Variants in DSG1 observed in about 807,000 individuals in gnomAD.
DSG1 encodes the protein desmoglein-1.
In DSG1, 39 loss-of-function variants were observed where a neutral mutation model predicts 97.5. The ratio of observed to expected loss-of-function variants is 0.40; its 90% CI spans 0.31 to 0.52. DSG1 has a LOEUF of 0.52. Among genes scored for constraint, DSG1 ranks in the 20% least tolerant of loss-of-function variants. The pLI is 0.53. For missense variants in DSG1, 1,311 were observed against 1,295.4 expected, an observed-to-expected ratio of 1.01 and a Z score of -0.18; for synonymous variants, 475 against 443.4, an observed-to-expected ratio of 1.07 and a Z score of -0.90.
Position 31,356,797 on chromosome 18 carries a change from T to C in DSG1, c.*1451T>C, listed in dbSNP as rs2071962829. On this transcript the variant is annotated 3_prime_UTR_variant, in exon 15 of 15. Coordinates refer to ENST00000257192, the MANE Select transcript of DSG1 (RefSeq NM_001942.4). ...CAAATTATATAGTATAACATATTTT[T>C]CTAGTTTCAAAATTTAGTAATGTCC... The C allele has an allele frequency of 6.6e-6, 1 of 152,176 alleles. No individual in the cohort carries two copies. 9.4% of individuals were successfully genotyped at this position (152,176 alleles called of 1,614,324 possible). A position where few individuals can be genotyped will look rare whatever the true frequency, so the allele number is the denominator to read the frequency against.
At position 31,357,572 on chromosome 18, in the gene DSG1, T is replaced by G. The variant is rs1457425094; in HGVS notation, c.*2226T>G. On this transcript the variant is annotated 3_prime_UTR_variant, in exon 15 of 15. Transcript: ENST00000257192. ...TATCTTCCAGAGATATTTTTTAGGT[T>G]GTCTTGCAAACAACAAAATCACTGT... is the stretch of plus-strand genomic sequence containing the variant. Among the ~76,000 whole-genome samples, 1 of 152,046 alleles carries G rather than the reference T, an allele frequency of 6.6e-6. No individual in the cohort carries two copies. Among genetic ancestry groups the G allele is most frequent in the Non-Finnish European group, 1.5e-5 (1 of 67,918 alleles).
Position 31,346,116 on chromosome 18 carries a change from C to G in DSG1, c.2018C>G (p.Ser673Cys), listed in dbSNP as rs1488857806. 1 of 1,613,624 alleles carries G rather than the reference C, an allele frequency of 6.2e-7. No individual in the cohort carries two copies. The highest frequency in any genetic ancestry group is 1.3e-5 in the African/African-American group (1 of 74,888). Residue 673 changes from serine to cysteine, a missense_variant, in exon 14 of 15, where the codon TCT becomes TGT. Physicochemically the swap from Ser to Cys is moderately radical, Grantham distance 112. Coordinates refer to ENST00000257192, the MANE Select transcript of DSG1 (RefSeq NM_001942.4). ...SGMPEICQEY[S>C]GTLRRNSMRE... ...ATGCCTGAGATATGTCAAGAATACT[C>G]TGGAACATTAAGAAGAAATTCTATG...
At chr18:31,347,858 CAACTATG>C (rs978144215) in intron 14 of DSG1, 75 of 152,008 alleles carry the variant, frequency 4.9e-4, no homozygotes, top group African/African-American at 1.8e-3. Context: ...GAACCCAACT[CAACTATG>C]AACTACTTTT....
intron 14 of DSG1, among the ~76,000 whole-genome samples, chr18:31,349,474 T>A (rs1452070440): frequency 6.6e-6 from 1 of 150,486 alleles, no homozygotes; most frequent in Non-Finnish European, 1.5e-5. Context: ...CCATATGAAC[T>A]TTAAAGTAGT....
At chr18:31,329,057 G>T (rs1321766568) in intron 4 of DSG1, among the ~76,000 whole-genome samples, 1 of 151,974 alleles carries the variant, frequency 6.6e-6, no homozygotes, top group Non-Finnish European at 1.5e-5. Flanking sequence ...TTTCTCACTC[G>T]CCCAGCTCAG....
intron 10 of DSG1, among the ~76,000 whole-genome samples, chr18:31,339,162 A>G (rs1434359970): frequency 6.6e-6 from 1 of 152,174 alleles, no homozygotes; most frequent in Non-Finnish European, 1.5e-5. Flanking sequence ...AATATTGAAA[A>G]CCACATCAAT....
At chr18:31,353,702 C>T (rs1292226356) in intron 14 of DSG1, among the ~76,000 whole-genome samples, 6 of 149,470 alleles carry the variant, frequency 4.0e-5, no homozygotes, top group East Asian at 4.0e-4. Context: ...GTCGGAAAAG[C>T]GCAGTATTCG....
chr18:31,327,120 A>G (rs1043376920), intron 3 of DSG1, 115 bp downstream of exon 3: 1 of 1,338,416 alleles, frequency 7.5e-7, no homozygotes, highest in African/African-American at 1.5e-5. Flanking sequence ...GATACAGAAC[A>G]GAACTATAGT....
At chr18:31,327,744 T>C (rs751930542) in intron 3 of DSG1, among the ~76,000 whole-genome samples, 1 of 152,180 alleles carries the variant, frequency 6.6e-6, no homozygotes, top group Non-Finnish European at 1.5e-5. Context: ...AAATCTACTT[T>C]CTTCGAAAAC....
At position 31,356,776 on chromosome 18, in the gene DSG1, T is replaced by G. The variant is rs1479457957; in HGVS notation, c.*1430T>G. The G allele has an allele frequency of 6.6e-5, 10 of 152,178 alleles. No individual in the cohort carries two copies. Among genetic ancestry groups the G allele is most frequent in the Non-Finnish European group, 1.0e-4 (7 of 68,028 alleles). The allele number at this position is 152,178 out of a possible 1,614,324, so 9.4% of individuals were successfully genotyped here. A position where few individuals can be genotyped will look rare whatever the true frequency, so the allele number is the denominator to read the frequency against. ...TGCTGATTTATAGGTAGTGTCCAAATTATATAGTATAACATATTTTTCTAG... is the reference window on the plus strand; with the variant it reads ...TGCTGATTTATAGGTAGTGTCCAAAGTATATAGTATAACATATTTTTCTAG... On this transcript the variant is annotated 3_prime_UTR_variant, in exon 15 of 15. Coordinates refer to ENST00000257192, the MANE Select transcript of DSG1 (RefSeq NM_001942.4).
At chr18:31,353,438 G>GC in intron 14 of DSG1, among the ~76,000 whole-genome samples, 1 of 151,728 alleles carries the variant, frequency 6.6e-6, no homozygotes, top group East Asian at 2.0e-4. Context: ...TCTGTGCCCT[G>GC]CCCCCAGAGG....
In DSG1 at chr18:31,344,009, A is replaced by T. The variant is rs745606002; in HGVS notation, c.1891+14A>T. 6.3e-7 allele frequency: 1 copy of T among 1,590,368 alleles called. No homozygotes were observed. Among genetic ancestry groups the T allele is most frequent in the East Asian group, 2.2e-5 (1 of 44,642 alleles). ...TTGACAACTCAGGTAAGAAAAAAGA[A>T]TTTGTTTAACATCTCAAATGCTTAA... On this transcript the variant is annotated intron_variant, in intron 13 of 14. Transcript: ENST00000257192.
At chr18:31,324,676 C>A (rs914288451) in intron 1 of DSG1, among the ~76,000 whole-genome samples, 1 of 152,114 alleles carries the variant, frequency 6.6e-6, no homozygotes, top group Non-Finnish European at 1.5e-5. Flanking sequence ...CAAGCCCTGC[C>A]AATGCTATGC....
chr18:31,354,927 A>C lies in DSG1; in HGVS notation c.2731A>C (p.Ile911Leu), dbSNP rs2071941022. 6.2e-7 allele frequency: 1 copy of C among 1,614,234 alleles called. No homozygotes were observed. Among genetic ancestry groups the C allele is most frequent in the South Asian group, 1.1e-5 (1 of 91,086 alleles). Residue 911 changes from isoleucine (I) to leucine (L), a missense_variant, in exon 15 of 15, where the codon ATC becomes CTC. By Grantham distance (5) the Ile-to-Leu change is conservative. Transcript: ENST00000257192. ...CTCTAGTCTACCCACCTCTCTGACTATCCATCATCCTAGAGAGTCTTCAAA... is the reference window on the plus strand; with the variant it reads ...CTCTAGTCTACCCACCTCTCTGACTCTCCATCATCCTAGAGAGTCTTCAAA... ...PSSSLPTSLT[I>L]HHPRESSNVV...
intron 14 of DSG1, among the ~76,000 whole-genome samples, 195 bp downstream of exon 14, chr18:31,346,393 C>T (rs1378968370): frequency 1.3e-5 from 2 of 152,308 alleles, no homozygotes. Context: ...TACTCCCCAA[C>T]GTAAGAACAG....
intron 10 of DSG1, among the ~76,000 whole-genome samples, chr18:31,339,137 C>T (rs2071772835): frequency 6.6e-6 from 1 of 152,008 alleles, no homozygotes; most frequent in African/African-American, 2.4e-5. Context: ...ATGTTAATTA[C>T]AGCACTAATA....
chr18:31,344,641 C>T (rs1170551937), intron 13 of DSG1, among the ~76,000 whole-genome samples: 1 of 152,068 alleles, frequency 6.6e-6, no homozygotes, highest in African/African-American at 2.4e-5. Flanking sequence ...TTTTCCAGCA[C>T]GTGGGTAAGA....
intron 14 of DSG1, 92 bp downstream of exon 14, chr18:31,346,290 A>G: frequency 9.5e-7 from 1 of 1,056,818 alleles, no homozygotes; most frequent in Non-Finnish European, 1.5e-6. Context: ...CTTTGGCAGG[A>G]GTCTCCTAAC....
Position 31,333,011 on chromosome 18 carries a change from A to G in DSG1, c.685-578A>G, listed in dbSNP as rs1306624703. On this transcript the variant is annotated intron_variant, in intron 6 of 14. Coordinates refer to ENST00000257192, the MANE Select transcript of DSG1 (RefSeq NM_001942.4). ...CTGGGGTCAATGGAGAGACCTCAAG[A>G]TGTCTCTATAAAACCCCCTAAATTA... 3.9e-5 allele frequency among the ~76,000 whole-genome samples: 6 copies of G among 152,168 alleles called. No homozygotes were observed. The East Asian group carries it at 1.2e-3, about 29-fold the overall frequency.
Sources: gnomAD v4.1 joint callset for allele counts (sites outside exome capture counted in the v4.1 genomes callset) on GRCh38, gnomAD v4.1.1 for gene constraint, MANE v1.5 for transcripts, NCBI Gene and HGNC (gene_info 2026-07-23, HGNC 2026-07-21) for gene names.